Variants in CHN2 observed in about 807,000 individuals in gnomAD.
CHN2 encodes the protein chimerin 2, also known as beta-chimaerin.
CHN2 carries 35 observed loss-of-function variants against 56.3 expected under a neutral mutation model. The ratio of observed to expected loss-of-function variants is 0.62; its 90% CI spans 0.47 to 0.82. The LOEUF (loss-of-function observed/expected upper bound fraction) is 0.82, where lower values mean the gene tolerates loss of function less well. CHN2 is among the 40% of genes least tolerant of loss of function. CHN2 has a pLI of 0.00. For synonymous variants in CHN2, 210 were observed against 212.8 expected, an observed-to-expected ratio of 0.99 and a Z score of 0.12; for missense variants, 491 against 580.5, an observed-to-expected ratio of 0.85 and a Z score of 1.58.
At chr7:29,222,747 G>C (rs919140646) in intron 1 of CHN2, among the ~76,000 whole-genome samples, 2 of 152,034 alleles carry the variant, frequency 1.3e-5, no homozygotes, top group African/African-American at 2.4e-5. Flanking sequence ...TATCAGGCTG[G>C]TTCAAAAATT....
chr7:29,172,050 C>G (rs1796674197), intron 2 of CHN2, among the ~76,000 whole-genome samples: 1 of 152,174 alleles, frequency 6.6e-6, no homozygotes, highest in African/African-American at 2.4e-5. Flanking sequence ...GCCCCCTAGT[C>G]AGCCAGATGG....
intron 1 of CHN2, among the ~76,000 whole-genome samples, chr7:29,272,467 G>T (rs1364808050): frequency 6.6e-6 from 1 of 152,156 alleles, no homozygotes; most frequent in African/African-American, 2.4e-5. Context: ...TAGATTTGGG[G>T]CAAGGCAGGC....
intron 10 of CHN2, 39 bp downstream of exon 10, chr7:29,504,860 A>T: frequency 7.2e-7 from 1 of 1,388,906 alleles, no homozygotes; most frequent in Non-Finnish European, 1.0e-6. Context: ...TGACATCCTA[A>T]CACCCTTCTC....
At chr7:29,320,966 A>G (rs1795298383) in intron 1 of CHN2, among the ~76,000 whole-genome samples, 3 of 152,228 alleles carry the variant, frequency 2.0e-5, no homozygotes, top group Admixed American at 1.3e-4. Flanking sequence ...ACTAGGAGCA[A>G]TTGGTAAATT....
chr7:29,172,830 G>A (rs1435248918), intron 2 of CHN2, among the ~76,000 whole-genome samples: 3 of 151,942 alleles, frequency 2.0e-5, no homozygotes, highest in African/African-American at 7.3e-5. Context: ...ATCTGGAGAA[G>A]CTTTTCTGCC....
At chr7:29,396,459 C>CAAAAAAAAAAAAA (rs35163855) in intron 4 of CHN2, among the ~76,000 whole-genome samples, 3 of 56,528 alleles carry the variant, frequency 5.3e-5, no homozygotes, top group African/African-American at 2.2e-4. Flanking sequence ...AGACTCTCTC[C>CAAAAAAAAAAAAA]AAAAAAAAAA....
chr7:29,466,164 T>C (rs752129548), intron 6 of CHN2, among the ~76,000 whole-genome samples: 4 of 151,696 alleles, frequency 2.6e-5, no homozygotes, highest in Non-Finnish European at 5.9e-5. Context: ...TTTGCGCCAC[T>C]GCACTCCAGC....
rs369231147 is a variant in CHN2, at chr7:29,175,492, A to G, written c.274+28532A>G. ...TGCCTGGCTGAGAGCTGATGATTTTATAAGGCATTTCCCCTTTCACTTGGC... is the reference window on the plus strand; with the variant it reads ...TGCCTGGCTGAGAGCTGATGATTTTGTAAGGCATTTCCCCTTTCACTTGGC... On this transcript the variant is annotated intron_variant, in intron 2 of 6. Transcript: ENST00000439384. 1.3e-4 allele frequency among the ~76,000 whole-genome samples: 20 copies of G among 152,114 alleles called. 2 individuals carry two copies. Among genetic ancestry groups the G allele is most frequent in the African/African-American group, 4.8e-4 (20 of 41,500 alleles).
At chr7:29,472,186 C>G (rs1415530842) in intron 6 of CHN2, among the ~76,000 whole-genome samples, 1 of 150,568 alleles carries the variant, frequency 6.6e-6, no homozygotes, top group African/African-American at 2.4e-5. Context: ...TCCACAATGC[C>G]ATAGCAAAAA....
At chr7:29,447,021 C>T (rs1389396180) in intron 6 of CHN2, among the ~76,000 whole-genome samples, 4 of 152,098 alleles carry the variant, frequency 2.6e-5, no homozygotes, top group Non-Finnish European at 1.5e-5. Flanking sequence ...CATCCAAAAG[C>T]GAAGTTGAAG....
intron 7 of CHN2, chr7:29,484,085 G>A: frequency 2.5e-6 from 1 of 396,760 alleles, no homozygotes; most frequent in South Asian, 2.0e-5. Flanking sequence ...CTTCTTCATG[G>A]CTTTTTTTCT....
chr7:29,443,085 C>T (rs796270809), intron 6 of CHN2, among the ~76,000 whole-genome samples: 51 of 150,512 alleles, frequency 3.4e-4, no homozygotes, highest in Non-Finnish European at 6.3e-4. Flanking sequence ...GGACTACAGG[C>T]GCCCGCCACC....
chr7:29,186,686 A>G (rs994809240), intron 2 of CHN2: 3 of 152,192 alleles, frequency 2.0e-5, no homozygotes, highest in African/African-American at 7.2e-5. Flanking sequence ...AGCAAAGAAC[A>G]TGTATTTTAA....
chr7:29,499,845 AATGTGGCTTCTTTGTTTACAG>A lies in CHN2; in HGVS notation c.740-20_740del. On this transcript the variant is annotated splice_acceptor_variant and splice_polypyrimidine_tract_variant and intron_variant, in intron 8 of 12. Coordinates refer to ENST00000222792, the MANE Select transcript of CHN2 (RefSeq NM_004067.4). LOFTEE classifies it high-confidence loss of function. ...TTTGACAAAAGGGCTGGGCTAGGCT[AATGTGGCTTCTTTGTTTACAG>A]ACTGTGGATTGAACGTACACAAACA... is the stretch of plus-strand genomic sequence containing the variant. 1 of 1,544,576 alleles carries A rather than the reference AATGTGGCTTCTTTGTTTACAG, an allele frequency of 6.5e-7. No individual in the cohort carries two copies. The highest frequency in any genetic ancestry group is 8.7e-7 in the Non-Finnish European group (1 of 1,145,696).
At chr7:29,345,926 TACTA>T (rs1797399989) in intron 1 of CHN2, among the ~76,000 whole-genome samples, 1 of 152,100 alleles carries the variant, frequency 6.6e-6, no homozygotes, top group Non-Finnish European at 1.5e-5. Flanking sequence ...GAATTTGTCT[TACTA>T]ACTATTCTCT....
rs1460404146 is a variant in CHN2, at chr7:29,434,622, G to A, written c.576+33794G>A. Among the ~76,000 whole-genome samples the A allele has an allele frequency of 5.3e-5, 8 of 151,916 alleles. 1 individual carries two copies. The East Asian group carries it at 1.5e-3, about 29-fold the overall frequency. ...ATAAGGAATCCTGTCATTGGATTAGGGCCTATCTTAATCCAATATGACCTC... is the reference window on the plus strand; with the variant it reads ...ATAAGGAATCCTGTCATTGGATTAGAGCCTATCTTAATCCAATATGACCTC... On this transcript the variant is annotated intron_variant, in intron 6 of 12. Transcript: ENST00000222792.
intron 2 of CHN2, among the ~76,000 whole-genome samples, chr7:29,358,638 G>T (rs904381510): frequency 6.6e-6 from 1 of 151,820 alleles, no homozygotes; most frequent in Non-Finnish European, 1.5e-5. Context: ...AATTTTTTTT[G>T]TATTTTTAAT....
intron 1 of CHN2, among the ~76,000 whole-genome samples, chr7:29,225,051 G>T (rs28608603): frequency 0.013 from 1,987 of 152,254 alleles, 35 homozygotes; most frequent in African/African-American, 0.044. Context: ...TGCCTGAGTT[G>T]ACACCTCCAT....
intron 1 of CHN2, among the ~76,000 whole-genome samples, chr7:29,231,677 A>G (rs1786722520): frequency 6.6e-6 from 1 of 152,162 alleles, no homozygotes; most frequent in African/African-American, 2.4e-5. Flanking sequence ...AGCCTTTTAG[A>G]TGTTTCTTTT....
Sources: allele counts gnomAD v4.1 joint callset (sites outside exome capture counted in the v4.1 genomes callset), GRCh38; gene constraint gnomAD v4.1.1; transcripts MANE v1.5; gene names NCBI Gene and HGNC (gene_info 2026-07-23, HGNC 2026-07-21).